CCDC14: variants seen among roughly 807,000 people sequenced by gnomAD.
The protein encoded by CCDC14 is coiled-coil domain-containing protein 14.
Under a neutral mutation model 81.4 loss-of-function variants are expected in CCDC14, and 71 were observed. The observed-to-expected ratio is 0.87, with a 90% confidence interval of 0.72 to 1.06. The LOEUF is 1.06. Ranked by LOEUF, CCDC14 falls within the 50% of genes least tolerant of loss-of-function variation. The pLI is 0.00. For synonymous variants in CCDC14, 332 were observed against 364.8 expected, an observed-to-expected ratio of 0.91 and a Z score of 1.03; for missense variants, 1,046 against 1,047.3, an observed-to-expected ratio of 1.00 and a Z score of 0.02.
downstream of CCDC14, among the ~76,000 whole-genome samples, chr3:123,892,952 G>A (rs1313968242): frequency 4.0e-5 from 6 of 151,772 alleles, no homozygotes; most frequent in Non-Finnish European, 7.4e-5. Context: ...CTATAGGTGC[G>A]TGCCACAACA....
chr3:123,945,556 G>A (rs548900120), intron 8 of CCDC14, among the ~76,000 whole-genome samples: 1 of 152,088 alleles, frequency 6.6e-6, no homozygotes, highest in South Asian at 2.1e-4. Context: ...TAATAATTGT[G>A]GACAGTAGAT....
At chr3:123,912,315 A>C (rs1339551751), downstream of CCDC14, among the ~76,000 whole-genome samples, 1 of 152,184 alleles carries the variant, frequency 6.6e-6, no homozygotes, top group African/African-American at 2.4e-5. Flanking sequence ...TTCTGAGACT[A>C]CGATGAGGCA....
chr3:123,931,356 G>A lies in CCDC14; in HGVS notation c.1597C>T (p.Leu533Phe). The change falls in exon 11 of 13, where the codon CTT (leucine) becomes TTT (phenylalanine). Residue 533 changes from leucine to phenylalanine, a missense_variant. Coordinates refer to ENST00000409697, the MANE Select transcript of CCDC14 (RefSeq NM_001366335.1). ...ATATCATATTGCTGTTTATTTTCAA[G>A]TATAGTTTGATCTTTGTCTTTAAAT... is the stretch of plus-strand genomic sequence containing the variant. ...SIFKDKDQTI[L>F]ENKQQYDIEI... 1 of 1,522,344 alleles carries A rather than the reference G, an allele frequency of 6.6e-7. No homozygotes were observed. Among genetic ancestry groups the A allele is most frequent in the Non-Finnish European group, 8.9e-7 (1 of 1,120,518 alleles). The allele number at this position is 1,522,344 out of a possible 1,614,324, so 94.3% of individuals were successfully genotyped here. A position where few individuals can be genotyped will look rare whatever the true frequency, so the allele number is the denominator to read the frequency against.
At chr3:123,931,579 A>C in intron 10 of CCDC14, 53 bp from the exon 11 acceptor site, 1 of 1,004,918 alleles carries the variant, frequency 1.0e-6, no homozygotes, top group Non-Finnish European at 1.4e-6. Flanking sequence ...AAAAGTACAA[A>C]CTTGGAAAAT....
chr3:123,889,774 C>A, the CCDC14 span, among the ~76,000 whole-genome samples: 1 of 152,300 alleles, frequency 6.6e-6, no homozygotes, highest in South Asian at 2.1e-4. Context: ...TGTGTGGGGG[C>A]TCCAACTCCA....
downstream of CCDC14, among the ~76,000 whole-genome samples, chr3:123,909,498 G>T (rs1306661480): frequency 6.6e-6 from 1 of 152,182 alleles, no homozygotes; most frequent in Admixed American, 6.5e-5. Context: ...GGTGGAAATG[G>T]CCAAGTGACA....
At chr3:123,894,915 A>G (rs1399188834), downstream of CCDC14, among the ~76,000 whole-genome samples, 1 of 152,194 alleles carries the variant, frequency 6.6e-6, no homozygotes, top group East Asian at 1.9e-4. Context: ...GCTAGATTGT[A>G]CCAGTTCCCC....
At chr3:123,932,971 C>T (rs972249887) in intron 10 of CCDC14, among the ~76,000 whole-genome samples, 1 of 152,050 alleles carries the variant, frequency 6.6e-6, no homozygotes, top group Non-Finnish European at 1.5e-5. Context: ...TGGTGGCAGG[C>T]GCCTATAATC....
the CCDC14 span, among the ~76,000 whole-genome samples, chr3:123,888,438 C>G: frequency 6.6e-6 from 1 of 152,170 alleles, no homozygotes; most frequent in Non-Finnish European, 1.5e-5. Flanking sequence ...GGCTGGACTT[C>G]TAAGATTTCC....
At chr3:123,956,701 C>T in intron 2 of CCDC14, 39 bp downstream of exon 2, 1 of 1,500,876 alleles carries the variant, frequency 6.7e-7, no homozygotes, top group Non-Finnish European at 9.0e-7. Context: ...CTGAAAAATT[C>T]CTTGAAATCT....
chr3:123,936,378 T>G (rs527339677), intron 9 of CCDC14, among the ~76,000 whole-genome samples: 10 of 150,738 alleles, frequency 6.6e-5, no homozygotes, highest in African/African-American at 2.4e-4. Flanking sequence ...AAGTCATTCT[T>G]TTTTTTTTAG....
the CCDC14 span, among the ~76,000 whole-genome samples, chr3:123,888,370 A>G: frequency 7.9e-5 from 12 of 152,278 alleles, no homozygotes; most frequent in Middle Eastern, 3.4e-3. Context: ...CAGTTTTTCA[A>G]ACTTCACAAA....
intron 12 of CCDC14, among the ~76,000 whole-genome samples, chr3:123,928,411 C>T (rs1325974350): frequency 6.7e-6 from 1 of 149,860 alleles, no homozygotes; most frequent in Non-Finnish European, 1.5e-5. Flanking sequence ...GAGGCTGAGG[C>T]AGGAGAATGG....
Position 123,928,521 on chromosome 3 carries a change from A to C in CCDC14, c.1778+2581T>G, listed in dbSNP as rs551543028. ...ACTATGTCTCAAAGAAAATAAATAA[A>C]TAAATAAAAAAGATGTATCCCTACA... On this transcript the variant is annotated intron_variant, in intron 12 of 12. Coordinates refer to ENST00000409697, the MANE Select transcript of CCDC14 (RefSeq NM_001366335.1). Among the ~76,000 whole-genome samples, 342 of 152,156 alleles carry C rather than the reference A, an allele frequency of 2.2e-3. 1 individual carries two copies. Among genetic ancestry groups the C allele is most frequent in the Middle Eastern group, 0.01 (3 of 294 alleles).
chr3:123,918,313 T>C (rs1185801754), intron 12 of CCDC14, among the ~76,000 whole-genome samples: 1 of 152,242 alleles, frequency 6.6e-6, no homozygotes, highest in Non-Finnish European at 1.5e-5. Context: ...CTCCTGCTAT[T>C]TCTTCTAATA....
At chr3:123,887,863 A>G in the CCDC14 span, among the ~76,000 whole-genome samples, 1 of 152,156 alleles carries the variant, frequency 6.6e-6, no homozygotes, top group South Asian at 2.1e-4. Context: ...TTATCTGCAT[A>G]TTGAACCTTT....
intron 12 of CCDC14, among the ~76,000 whole-genome samples, chr3:123,929,370 G>A (rs897593622): frequency 5.9e-5 from 9 of 151,964 alleles, no homozygotes; most frequent in African/African-American, 2.2e-4. Context: ...GAATGCAGTG[G>A]CATGATAGTG....
Position 123,944,905 on chromosome 3 carries a change from T to C in CCDC14, c.1287A>G (p.Gln429=), listed in dbSNP as rs1193462399. The change falls in exon 9 of 13, where the codon CAA becomes CAG. Residue 429 remains glutamine (Q), a synonymous_variant. Coordinates refer to ENST00000409697, the MANE Select transcript of CCDC14 (RefSeq NM_001366335.1). ...GTTGCATGGCCAGTGCTATCTCAACTTGAATATCTGTGTTTCCACTTACTG... is the reference window on the plus strand; with the variant it reads ...GTTGCATGGCCAGTGCTATCTCAACCTGAATATCTGTGTTTCCACTTACTG... ...LPTVSGNTDI[Q]VEIALAMQPL... 7 of 1,612,370 alleles carry C rather than the reference T, an allele frequency of 4.3e-6. No individual in the cohort carries two copies. Among genetic ancestry groups the C allele is most frequent in the Middle Eastern group, 1.7e-4 (1 of 6,056 alleles).
intron 9 of CCDC14, among the ~76,000 whole-genome samples, chr3:123,937,708 T>C (rs2036126884): frequency 6.6e-6 from 1 of 151,856 alleles, no homozygotes; most frequent in Non-Finnish European, 1.5e-5. Flanking sequence ...TTTATATTTT[T>C]TGTGTTGTAT....
Sources: gnomAD v4.1 joint callset for allele counts (sites outside exome capture counted in the v4.1 genomes callset) on GRCh38, gnomAD v4.1.1 for gene constraint, MANE v1.5 for transcripts, NCBI Gene and HGNC (gene_info 2026-07-23, HGNC 2026-07-21) for gene names.